SPIDR: variants seen among roughly 807,000 people sequenced by gnomAD.
SPIDR encodes DNA repair-scaffolding protein.
Under a neutral mutation model 104.6 loss-of-function variants are expected in SPIDR, and 93 were observed. The ratio of observed to expected loss-of-function variants is 0.89; its 90% CI spans 0.75 to 1.06. SPIDR has a LOEUF of 1.06. SPIDR is among the 50% of genes least tolerant of loss of function. The pLI is 0.00. For synonymous variants in SPIDR, 431 were observed against 416.9 expected (o/e 1.03, Z -0.41); for missense variants, 1,154 against 1,111.2 (o/e 1.04, Z -0.55).
At chr8:47,323,739 T>A (rs1410338163) in intron 5 of SPIDR, among the ~76,000 whole-genome samples, 1 of 152,124 alleles carries the variant, frequency 6.6e-6, no homozygotes. Flanking sequence ...TCCTTTAGGG[T>A]GCAGGTAGAC....
At chr8:47,553,935 G>A in intron 8 of SPIDR, among the ~76,000 whole-genome samples, 1 of 152,166 alleles carries the variant, frequency 6.6e-6, no homozygotes, top group Non-Finnish European at 1.5e-5. Flanking sequence ...TTTTGGTGTG[G>A]ATGTCCTTCC....
At chr8:47,622,761 G>A (rs2065353482) in intron 10 of SPIDR, among the ~76,000 whole-genome samples, 1 of 152,088 alleles carries the variant, frequency 6.6e-6, no homozygotes, top group Non-Finnish European at 1.5e-5. Flanking sequence ...AAAATGTCAG[G>A]TCAACTCCCT....
intron 6 of SPIDR, 81 bp from the exon 7 acceptor site, chr8:47,407,780 G>C: frequency 1.4e-6 from 1 of 732,774 alleles, no homozygotes; most frequent in Non-Finnish European, 2.2e-6. Context: ...TCTCTGGTTG[G>C]GGGGTATACA....
At chr8:47,322,491 G>A (rs566305198) in intron 5 of SPIDR, among the ~76,000 whole-genome samples, 2 of 152,298 alleles carry the variant, frequency 1.3e-5, no homozygotes, top group South Asian at 4.2e-4. Flanking sequence ...CCGTTGGTGG[G>A]ACTGTAAACT....
Position 47,434,066 on chromosome 8 carries a change from T to G in SPIDR, c.878-6257T>G, listed in dbSNP as rs7835348. Among the ~76,000 whole-genome samples, 335 of 152,306 alleles carry G rather than the reference T, an allele frequency of 2.2e-3. 1 individual carries two copies. The highest frequency in any genetic ancestry group is 7.3e-3 in the African/African-American group (304 of 41,562). On this transcript the variant is annotated intron_variant, in intron 7 of 19. Coordinates refer to ENST00000297423, the MANE Select transcript of SPIDR (RefSeq NM_001080394.4). Reference sequence around the variant, plus strand: ...TAGTAATGGATACATGTATTATTTTTGGGGGAAAGCTATAAAATACTATTT... The same window carrying G: ...TAGTAATGGATACATGTATTATTTTGGGGGGAAAGCTATAAAATACTATTT...
chr8:47,524,175 T>G (rs1373962963), intron 8 of SPIDR, among the ~76,000 whole-genome samples: 1 of 152,232 alleles, frequency 6.6e-6, no homozygotes, highest in Non-Finnish European at 1.5e-5. Context: ...ATCTGAAATT[T>G]ACATTTACCT....
At chr8:47,658,785 A>C (rs2073454424) in intron 10 of SPIDR, among the ~76,000 whole-genome samples, 1 of 151,602 alleles carries the variant, frequency 6.6e-6, no homozygotes, top group African/African-American at 2.4e-5. Context: ...AAATACAAAA[A>C]ATTAGCAGGG....
At chr8:47,510,603 A>C (rs55918561) in intron 8 of SPIDR, among the ~76,000 whole-genome samples, 15,849 of 152,124 alleles carry the variant, frequency 0.1, 1,219 homozygotes, top group African/African-American at 0.22. Flanking sequence ...CAAAAAAAAA[A>C]CAAAATGTTG....
chr8:47,474,124 T>C (rs578216200), intron 8 of SPIDR, among the ~76,000 whole-genome samples: 1 of 152,294 alleles, frequency 6.6e-6, no homozygotes, highest in African/African-American at 2.4e-5. Flanking sequence ...CCTTCAGCAT[T>C]CCTTATTGAG....
At chr8:47,297,451 A>G (rs587755124) in intron 5 of SPIDR, among the ~76,000 whole-genome samples, 1 of 151,706 alleles carries the variant, frequency 6.6e-6, no homozygotes, top group Admixed American at 6.6e-5. Flanking sequence ...TGCTTTTTCC[A>G]TATCTATTTT....
intron 5 of SPIDR, among the ~76,000 whole-genome samples, chr8:47,298,898 G>C (rs1336654083): frequency 1.3e-5 from 2 of 152,162 alleles, no homozygotes. Context: ...GATGCCTCCA[G>C]CTTTGTTCTT....
intron 5 of SPIDR, among the ~76,000 whole-genome samples, chr8:47,343,973 TTTA>T (rs57260811): frequency 2.6e-4 from 40 of 151,934 alleles, no homozygotes; most frequent in Non-Finnish European, 2.5e-4. Flanking sequence ...TCTTTTTTTT[TTTA>T]TTATTATTAT....
chr8:47,470,986 G>C (rs74600040), intron 8 of SPIDR, among the ~76,000 whole-genome samples: 1 of 152,164 alleles, frequency 6.6e-6, no homozygotes, highest in South Asian at 2.1e-4. Flanking sequence ...CGCCCGCCTT[G>C]GCCTCCCAAA....
chr8:47,373,303 C>G (rs2058262008), intron 5 of SPIDR, among the ~76,000 whole-genome samples: 1 of 152,054 alleles, frequency 6.6e-6, no homozygotes. Flanking sequence ...TTGTGTCACT[C>G]TTATTTAGGG....
In SPIDR at chr8:47,260,999, CT is replaced by C; in HGVS notation, c.33+9del. 1.6e-6 allele frequency: 2 copies of C among 1,228,436 alleles called. No individual in the cohort carries two copies. The highest frequency in any genetic ancestry group is 2.0e-6 in the Non-Finnish European group (2 of 985,674). 76.1% of individuals were successfully genotyped at this position (1,228,436 alleles called of 1,614,324 possible). A position where few individuals can be genotyped will look rare whatever the true frequency, so the allele number is the denominator to read the frequency against. ...CGCGCTCGGGGCTCTAAGGTAGGCT[CT>C]GGGGCGGGAGTGGGCGCCGCGCCGT... is the stretch of plus-strand genomic sequence containing the variant. On this transcript the variant is annotated intron_variant, in intron 1 of 19. Transcript: ENST00000297423.
At chr8:47,536,853 G>T (rs1460933188) in intron 8 of SPIDR, among the ~76,000 whole-genome samples, 3 of 152,068 alleles carry the variant, frequency 2.0e-5, no homozygotes, top group Non-Finnish European at 4.4e-5. Context: ...AATATACTAA[G>T]AACTTTTAAA....
At chr8:47,640,841 CTTTTTTTTTTTTTTTTTTTTTTTTTTTTT>C (rs57405701) in intron 10 of SPIDR, among the ~76,000 whole-genome samples, 15 of 41,304 alleles carry the variant, frequency 3.6e-4, no homozygotes, top group African/African-American at 9.9e-4. Flanking sequence ...CCACACCCAG[CTTTTTTTTTTTTTTTTTTTTTTTTTTTTT>C]TTTTTTTTTT....
chr8:47,357,845 C>CGTCTAGT, intron 5 of SPIDR: 2 of 984,654 alleles, frequency 2.0e-6, no homozygotes, highest in Non-Finnish European at 2.4e-6. Flanking sequence ...ACATGTTAAT[C>CGTCTAGT]GTCTAGTGTT....
At chr8:47,734,173 C>T (rs1047808713) in intron 19 of SPIDR, among the ~76,000 whole-genome samples, 2 of 152,146 alleles carry the variant, frequency 1.3e-5, no homozygotes, top group African/African-American at 4.8e-5. Flanking sequence ...GTGGGAGTCA[C>T]AGAAGGCTCC....
Sources: gnomAD v4.1 joint callset for allele counts (sites outside exome capture counted in the v4.1 genomes callset) on GRCh38, gnomAD v4.1.1 for gene constraint, MANE v1.5 for transcripts, NCBI Gene and HGNC (gene_info 2026-07-23, HGNC 2026-07-21) for gene names.